The following PRIM2 variants were observed in gnomAD, a reference collection of about 807,000 sequenced individuals.
PRIM2 encodes DNA primase subunit 2.
PRIM2 carries 39 observed loss-of-function variants against 67.3 expected under a neutral mutation model. The observed-to-expected ratio is 0.58, with a 90% CI of 0.45 to 0.76. The LOEUF (loss-of-function observed/expected upper bound fraction) is 0.76, where lower values mean the gene tolerates loss of function less well. Among genes scored for constraint, PRIM2 ranks in the 30% least tolerant of loss-of-function variants. The pLI is 0.00. For missense variants in PRIM2, 398 were observed against 598.7 expected, an observed-to-expected ratio of 0.66 and a Z score of 3.50; for synonymous variants, 143 against 198.7, an observed-to-expected ratio of 0.72 and a Z score of 2.36.
At chr6:57,273,300 A>C in the PRIM2 span, among the ~76,000 whole-genome samples, 5 of 152,144 alleles carry the variant, frequency 3.3e-5, no homozygotes, top group Non-Finnish European at 7.4e-5. Context: ...ACATAGTCCC[A>C]TATTTCTTGG....
upstream of PRIM2, among the ~76,000 whole-genome samples, chr6:57,310,031 C>T (rs1276062895): frequency 6.6e-6 from 1 of 151,814 alleles, no homozygotes; most frequent in African/African-American, 2.4e-5. Context: ...AGAAAATTTT[C>T]GCAACCTACT....
the PRIM2 span, among the ~76,000 whole-genome samples, chr6:57,292,158 C>T: frequency 6.6e-6 from 1 of 152,152 alleles, no homozygotes; most frequent in East Asian, 1.9e-4. Context: ...TCTCAGGATA[C>T]AAAATCAATG....
intron 7 of PRIM2, among the ~76,000 whole-genome samples, chr6:57,455,783 T>C (rs1411672315): frequency 6.6e-6 from 1 of 152,252 alleles, no homozygotes; most frequent in Non-Finnish European, 1.5e-5. Flanking sequence ...TTAGCCCATT[T>C]ACATTTAAAG....
intron 7 of PRIM2, among the ~76,000 whole-genome samples, chr6:57,397,510 T>C (rs919335482): frequency 2.6e-5 from 4 of 152,178 alleles, no homozygotes; most frequent in Non-Finnish European, 5.9e-5. Context: ...GTCCAAAGTT[T>C]CCTGAATTTT....
At chr6:57,539,008 A>G (rs1775077239) in intron 10 of PRIM2, among the ~76,000 whole-genome samples, 1 of 152,184 alleles carries the variant, frequency 6.6e-6, no homozygotes, top group African/African-American at 2.4e-5. Context: ...GTGTAGCTAT[A>G]TACTTTATTA....
rs187149818 is a variant in PRIM2 at position 57,333,718 on chromosome 6, C to G, written c.459+7673C>G. 1.4e-3 allele frequency among the ~76,000 whole-genome samples: 214 copies of G among 152,140 alleles called. 1 individual carries two copies. Among genetic ancestry groups the G allele is most frequent in the Admixed American group, 2.5e-3 (38 of 15,278 alleles). Reference sequence around the variant, plus strand: ...TATTTTATTTTCTGAAAACTTTCATCAACTGTTTTCTCAATTTTCTATTTA... The same window carrying G: ...TATTTTATTTTCTGAAAACTTTCATGAACTGTTTTCTCAATTTTCTATTTA... On this transcript the variant is annotated intron_variant, in intron 5 of 13. Coordinates refer to ENST00000615550, the MANE Select transcript of PRIM2 (RefSeq NM_000947.5).
the PRIM2 span, among the ~76,000 whole-genome samples, chr6:57,277,713 CT>C: frequency 5.9e-5 from 9 of 152,112 alleles, no homozygotes; most frequent in South Asian, 8.3e-4. Context: ...GGCGCGGTGG[CT>C]TCATGCCTGT....
At chr6:57,286,456 C>T in the PRIM2 span, among the ~76,000 whole-genome samples, 3 of 152,162 alleles carry the variant, frequency 2.0e-5, no homozygotes, top group African/African-American at 7.2e-5. Context: ...TAACACCACA[C>T]ATCTACAACC....
chr6:57,421,148 G>C (rs1041451849), intron 7 of PRIM2, among the ~76,000 whole-genome samples: 8 of 152,190 alleles, frequency 5.3e-5, no homozygotes, highest in Non-Finnish European at 5.9e-5. Flanking sequence ...TGAAGACTGA[G>C]AAGAGGCCAT....
intron 13 of PRIM2, among the ~76,000 whole-genome samples, chr6:57,641,470 A>C (rs1245655459): frequency 2.6e-5 from 4 of 152,202 alleles, no homozygotes; most frequent in East Asian, 1.9e-4. Flanking sequence ...GAATGGGAGA[A>C]AATTTTTGCA....
At chr6:57,325,547 A>G (rs1173241311) in intron 4 of PRIM2, among the ~76,000 whole-genome samples, 1 of 150,588 alleles carries the variant, frequency 6.6e-6, no homozygotes, top group South Asian at 2.1e-4. Context: ...GCCTGCCTTG[A>G]CCTCCCAAGG....
At chr6:57,527,751 T>C (rs1203012415) in intron 8 of PRIM2, among the ~76,000 whole-genome samples, 1 of 152,124 alleles carries the variant, frequency 6.6e-6, no homozygotes, top group Non-Finnish European at 1.5e-5. Context: ...TTCAAATAGG[T>C]TTAAGTAGCT....
At chr6:57,270,577 G>A in the PRIM2 span, among the ~76,000 whole-genome samples, 2 of 152,170 alleles carry the variant, frequency 1.3e-5, no homozygotes, top group Non-Finnish European at 2.9e-5. Flanking sequence ...CTGCAAACAG[G>A]AACGATTTGA....
the PRIM2 span, among the ~76,000 whole-genome samples, chr6:57,237,351 C>T: frequency 6.6e-6 from 1 of 152,132 alleles, no homozygotes; most frequent in Non-Finnish European, 1.5e-5. Flanking sequence ...AAAATTTTCT[C>T]CCATTCTGTG....
chr6:57,517,528 T>C (rs1315995444), intron 8 of PRIM2, among the ~76,000 whole-genome samples: 2 of 152,182 alleles, frequency 1.3e-5, no homozygotes, highest in Non-Finnish European at 2.9e-5. Flanking sequence ...TTAAATTTTA[T>C]TTAATTTTAA....
At chr6:57,309,988 C>CGTT (rs1767351251), upstream of PRIM2, among the ~76,000 whole-genome samples, 1 of 152,010 alleles carries the variant, frequency 6.6e-6, no homozygotes, top group Non-Finnish European at 1.5e-5. Context: ...AAAGAAACTA[C>CGTT]CATCAGAGTG....
At chr6:57,393,016 A>G (rs1275041778) in intron 7 of PRIM2, among the ~76,000 whole-genome samples, 1 of 151,664 alleles carries the variant, frequency 6.6e-6, no homozygotes, top group Non-Finnish European at 1.5e-5. Context: ...ATATATATAC[A>G]TAGACACACA....
chr6:57,298,411 A>T, the PRIM2 span, among the ~76,000 whole-genome samples: 147 of 152,062 alleles, frequency 9.7e-4, no homozygotes, highest in East Asian at 2.1e-3. Flanking sequence ...TTAGTTTTTT[A>T]AAAAAAACAT....
At chr6:57,440,673 A>G (rs4629676) in intron 7 of PRIM2, among the ~76,000 whole-genome samples, 1 of 152,184 alleles carries the variant, frequency 6.6e-6, no homozygotes, top group Non-Finnish European at 1.5e-5. Flanking sequence ...ATCTTTTGAC[A>G]TTGAGGGAAT....
Sources: allele counts gnomAD v4.1 joint callset (sites outside exome capture counted in the v4.1 genomes callset), GRCh38; gene constraint gnomAD v4.1.1; transcripts MANE v1.5; gene names NCBI Gene and HGNC (gene_info 2026-07-23, HGNC 2026-07-21).